THAP3: variants seen among roughly 807,000 people sequenced by gnomAD.
THAP3 encodes THAP domain containing 3, also known as THAP domain-containing protein 3.
THAP3 carries 12 observed loss-of-function variants against 17.7 expected under a neutral mutation model. That is an observed-to-expected ratio of 0.68 (90% confidence interval 0.43 to 1.10). The LOEUF (loss-of-function observed/expected upper bound fraction) is 1.10, where lower values mean the gene tolerates loss of function less well. THAP3 is among the 50% of genes least tolerant of loss of function. THAP3 has a pLI of 0.00. For missense variants in THAP3, 289 were observed against 318.0 expected, an observed-to-expected ratio of 0.91 and a Z score of 0.69; for synonymous variants, 133 against 126.9, an observed-to-expected ratio of 1.05 and a Z score of -0.32.
At chr1:6,627,038 T>C (rs946389350) in intron 2 of THAP3, among the ~76,000 whole-genome samples, 5 of 152,220 alleles carry the variant, frequency 3.3e-5, no homozygotes, top group Non-Finnish European at 7.3e-5. Context: ...ACTGATCGAT[T>C]GCATAGCATT....
downstream of THAP3, chr1:6,634,147 A>G (rs12727844): frequency 0.35 from 515,749 of 1,465,780 alleles, 92,546 homozygotes; most frequent in South Asian, 0.46. Flanking sequence ...TGAACACACA[A>G]TACACGGAAG....
intron 5 of THAP3, 76 bp downstream of exon 5, chr1:6,632,571 A>G (rs770783330): frequency 6.3e-7 from 1 of 1,592,426 alleles, no homozygotes. Context: ...ACCAGTGAGC[A>G]CCCACCATGA....
At chr1:6,634,801 G>T (rs1312174437), downstream of THAP3, 1 of 1,290,842 alleles carries the variant, frequency 7.7e-7, no homozygotes, top group Non-Finnish European at 1.0e-6. Context: ...GGTACCACGG[G>T]CCGGGCCTGG....
In THAP3 at chr1:6,633,062, A is replaced by G; in HGVS notation, c.705A>G (p.Pro235=). The change falls in exon 6 of 6, where the codon CCA becomes CCG. Residue 235 remains proline, a synonymous_variant. Coordinates refer to ENST00000054650, the MANE Select transcript of THAP3 (RefSeq NM_001195753.2). ...GHQGLQARLG[P]EQQS ...AGGGACTCCAGGCCAGACTTGGGCC[A>G]GAGCAGCAGAGCTGAGCCCCACAGG... 6.2e-7 allele frequency: 1 copy of G among 1,602,724 alleles called. No homozygotes were observed.
downstream of THAP3, chr1:6,634,486 TGGAGGCCGGCGCAGCTTGG>T (rs1557460869): frequency 7.5e-7 from 1 of 1,333,538 alleles, no homozygotes; most frequent in Non-Finnish European, 9.9e-7. Context: ...GTGGGTGGGC[TGGAGGCCGGCGCAGCTTGG>T]GGCCCCCCGC....
In THAP3 at chr1:6,625,301, C is replaced by G. The variant is rs1362176672; in HGVS notation, c.74+9C>G. 1 of 1,528,482 alleles carries G rather than the reference C, an allele frequency of 6.5e-7. No homozygotes were observed. Among genetic ancestry groups the G allele is most frequent in the East Asian group, 2.6e-5 (1 of 38,116 alleles). The allele number at this position is 1,528,482 out of a possible 1,614,324, so 94.7% of individuals were successfully genotyped here. On this transcript the variant is annotated intron_variant, in intron 2 of 5. Coordinates refer to ENST00000054650, the MANE Select transcript of THAP3 (RefSeq NM_001195753.2). The stretch of plus-strand genomic sequence containing the variant: ...CAGCTCACCTTCCACCGGTAAGAGG[C>G]GGGGACCCGGGGGCGCGGGAGGCCC...
chr1:6,630,816 C>T (rs1641589832), intron 4 of THAP3, among the ~76,000 whole-genome samples: 1 of 152,104 alleles, frequency 6.6e-6, no homozygotes, highest in Non-Finnish European at 1.5e-5. Flanking sequence ...AGGTGATCCA[C>T]CCACCTCTGC....
downstream of THAP3, chr1:6,633,935 C>CTATT (rs2148723594): frequency 7.8e-7 from 1 of 1,278,306 alleles, no homozygotes; most frequent in East Asian, 2.4e-5. Context: ...AACTGACTTC[C>CTATT]TATTTTGTCT....
downstream of THAP3, chr1:6,633,970 GA>G (rs1557460178): frequency 6.5e-7 from 1 of 1,548,912 alleles, no homozygotes. Context: ...GTGAATTAAA[GA>G]AAAAAGTTCT....
At chr1:6,627,575 G>A (rs1363938066) in intron 2 of THAP3, among the ~76,000 whole-genome samples, 1 of 152,170 alleles carries the variant, frequency 6.6e-6, no homozygotes, top group Non-Finnish European at 1.5e-5. Context: ...ATGTTGGCCA[G>A]GCTGGTCTTG....
At chr1:6,634,986 G>A (rs942707733), downstream of THAP3, 3 of 729,046 alleles carry the variant, frequency 4.1e-6, no homozygotes, top group Admixed American at 3.8e-5. Context: ...GATACGGGAA[G>A]CCACCTGTGT....
At position 6,633,002 on chromosome 1, in the gene THAP3, G is replaced by T. The variant is rs746134707; in HGVS notation, c.645G>T (p.Arg215Ser). The change falls in exon 6 of 6, where the codon AGG (arginine) becomes AGT (serine). Residue 215 changes from arginine (R) to serine (S), a missense_variant. Coordinates refer to ENST00000054650, the MANE Select transcript of THAP3 (RefSeq NM_001195753.2). Reference protein sequence around the residue: ...RLQAQRLVMRRMSSRLRACKG... With the variant: ...RLQAQRLVMRSMSSRLRACKG... ...AGGCCCAGAGGCTGGTGATGCGAAG[G>T]ATGTCCAGCCGCCTCCGTGCTTGCA... 2 of 1,612,742 alleles carry T rather than the reference G, an allele frequency of 1.2e-6. No individual in the cohort carries two copies. The highest frequency in any genetic ancestry group is 8.5e-7 in the Non-Finnish European group (1 of 1,179,838).
rs993348490 is a variant in THAP3 at position 6,633,234 on chromosome 1, G to A, written c.*157G>A. 3.3e-5 allele frequency: 48 copies of A among 1,444,412 alleles called. No homozygotes were observed. The highest frequency in any genetic ancestry group is 4.5e-5 in the South Asian group (3 of 66,992). 89.5% of individuals were successfully genotyped at this position (1,444,412 alleles called of 1,614,324 possible). A position where few individuals can be genotyped will look rare whatever the true frequency, so the allele number is the denominator to read the frequency against. ...CGAGACAGTAGCCAAGCTCCCCGGC[G>A]AGAGCCCCAATGCCGTCTGGGGGAC... On this transcript the variant is annotated 3_prime_UTR_variant, in exon 6 of 6. Transcript: ENST00000054650.
Position 6,628,652 on chromosome 1 carries a change from TGC to T in THAP3, c.229_230del (p.Ala77ArgfsTer23). 2 of 1,613,706 alleles carry T rather than the reference TGC, an allele frequency of 1.2e-6. No individual in the cohort carries two copies. The highest frequency in any genetic ancestry group is 2.2e-5 in the South Asian group (2 of 91,054). On this transcript the variant is annotated frameshift_variant, in exon 3 of 6. Coordinates refer to ENST00000054650, the MANE Select transcript of THAP3 (RefSeq NM_001195753.2). LOFTEE classifies it high-confidence loss of function. ...GAAACCGCAAGAACCTAAAGCACAA[TGC>T]CGTGCCCACGGTGTTCGCCTTTCAG... ...FGNRKNLKHN[A>X]VPTVFAFQDP...
intron 2 of THAP3, among the ~76,000 whole-genome samples, chr1:6,625,600 C>T (rs1294829102): frequency 5.2e-5 from 7 of 134,182 alleles, no homozygotes; most frequent in Non-Finnish European, 6.7e-5. Context: ...GTCGCTGCAG[C>T]CCCCGCCGCG....
In THAP3 at chr1:6,628,551, C is replaced by A; in HGVS notation, c.127C>A (p.Arg43=). 6.2e-7 allele frequency: 1 copy of A among 1,613,800 alleles called. No homozygotes were observed. Among genetic ancestry groups the A allele is most frequent in the South Asian group, 1.1e-5 (1 of 91,056 alleles). The change falls in exon 3 of 6, where the codon CGG becomes AGG. Residue 43 remains arginine (R), a synonymous_variant. Coordinates refer to ENST00000054650, the MANE Select transcript of THAP3 (RefSeq NM_001195753.2). The part of the protein sequence containing the change: ...LLKEWVLNIG[R]GNFKPKQHTV... ...GAAGGAATGGGTGCTGAACATCGGC[C>A]GGGGCAACTTCAAGCCCAAGCAGCA...
Position 6,625,171 on chromosome 1 carries a change from C to CCCG in THAP3, c.-36_-34dup, listed in dbSNP as rs758576853. On this transcript the variant is annotated 5_prime_UTR_variant, in exon 2 of 6. Transcript: ENST00000054650. ...GCAGGTCCCTCCCCTCTCCGCAGGC[C>CCCG]CCGCCGCCGCCGCCATCTTTGTTGG... The CCCG allele has an allele frequency of 1.1e-5, 16 of 1,520,978 alleles. No individual in the cohort carries two copies. The highest frequency in any genetic ancestry group is 2.3e-4 in the Middle Eastern group (1 of 4,406). The allele number at this position is 1,520,978 out of a possible 1,614,324, so 94.2% of individuals were successfully genotyped here.
At position 6,625,181 on chromosome 1, in the gene THAP3, C is replaced by T; in HGVS notation, c.-38C>T. On this transcript the variant is annotated 5_prime_UTR_variant, in exon 2 of 6. Coordinates refer to ENST00000054650, the MANE Select transcript of THAP3 (RefSeq NM_001195753.2). The stretch of plus-strand genomic sequence containing the variant: ...CCCCTCTCCGCAGGCCCCGCCGCCG[C>T]CGCCATCTTTGTTGGGGGCAGCCAG... 1 of 1,531,102 alleles carries T rather than the reference C, an allele frequency of 6.5e-7. No homozygotes were observed. Among genetic ancestry groups the T allele is most frequent in the South Asian group, 1.2e-5 (1 of 83,148 alleles). The allele number at this position is 1,531,102 out of a possible 1,614,324, so 94.8% of individuals were successfully genotyped here.
Position 6,633,297 on chromosome 1 carries a change from C to T in THAP3, c.*220C>T. 7.0e-7 allele frequency: 1 copy of T among 1,418,636 alleles called. No individual in the cohort carries two copies. The highest frequency in any genetic ancestry group is 9.2e-7 in the Non-Finnish European group (1 of 1,090,548). 87.9% of individuals were successfully genotyped at this position (1,418,636 alleles called of 1,614,324 possible). A position where few individuals can be genotyped will look rare whatever the true frequency, so the allele number is the denominator to read the frequency against. On this transcript the variant is annotated 3_prime_UTR_variant, in exon 6 of 6. Transcript: ENST00000054650. ...GGCACTAGGAGTGCACATCTGTGAG[C>T]ATGACAAGCTTATCCTCCCATGGTA...
Sources: allele counts gnomAD v4.1 joint callset (sites outside exome capture counted in the v4.1 genomes callset), GRCh38; gene constraint gnomAD v4.1.1; transcripts MANE v1.5; gene names NCBI Gene and HGNC (gene_info 2026-07-23, HGNC 2026-07-21).